Variants in PLCZ1 observed in about 807,000 individuals in gnomAD.
PLCZ1 encodes 1-phosphatidylinositol 4,5-bisphosphate phosphodiesterase zeta-1.
A neutral mutation model predicts 76.8 loss-of-function variants in PLCZ1; 64 were observed. That is an observed-to-expected ratio of 0.83 (90% CI 0.68 to 1.03). The LOEUF is 1.03. Ranked by LOEUF, PLCZ1 falls within the 50% of genes least tolerant of loss-of-function variation. The pLI is 0.00. For missense variants in PLCZ1, 751 were observed against 713.7 expected, an observed-to-expected ratio of 1.05 and a Z score of -0.60; for synonymous variants, 248 against 230.8, an observed-to-expected ratio of 1.07 and a Z score of -0.68.
the PLCZ1 span, among the ~76,000 whole-genome samples, chr12:18,673,509 A>G: frequency 6.6e-6 from 1 of 152,318 alleles, no homozygotes; most frequent in Non-Finnish European, 1.5e-5. Flanking sequence ...GAACAAGGCT[A>G]GAGAAGCCTT....
chr12:18,736,404 C>T (rs1592308885), intron 2 of PLCZ1, 60 bp from the exon 3 acceptor site: 3 of 1,535,234 alleles, frequency 2.0e-6, no homozygotes, highest in Non-Finnish European at 2.7e-6. Flanking sequence ...TTTAAAATTC[C>T]TAAAGAAACA....
At chr12:18,693,957 A>C (rs1565666094) in intron 12 of PLCZ1, 1 of 1,514,830 alleles carries the variant, frequency 6.6e-7, no homozygotes, top group African/African-American at 1.4e-5. Flanking sequence ...TCTGGTGCTG[A>C]CATCAAGGCA....
At chr12:18,694,882 A>C (rs1044050286) in intron 12 of PLCZ1, 28 bp downstream of exon 12, 23 of 1,528,058 alleles carry the variant, frequency 1.5e-5, no homozygotes, top group Non-Finnish European at 2.0e-5. Flanking sequence ...ATAACCAAAA[A>C]ATGTAAAAGA....
At chr12:18,691,821 C>T (rs759829089) in intron 12 of PLCZ1, among the ~76,000 whole-genome samples, 22 of 152,176 alleles carry the variant, frequency 1.4e-4, no homozygotes, top group Admixed American at 4.6e-4. Context: ...GAGTCACAAA[C>T]TCCTTAACAG....
intron 7 of PLCZ1, among the ~76,000 whole-genome samples, chr12:18,703,180 T>G (rs1464841544): frequency 6.6e-6 from 1 of 152,202 alleles, no homozygotes; most frequent in Non-Finnish European, 1.5e-5. Flanking sequence ...AATTCTTTAC[T>G]ATTTCTTTCC....
At chr12:18,732,586 G>A (rs558900095) in intron 3 of PLCZ1, among the ~76,000 whole-genome samples, 7 of 152,136 alleles carry the variant, frequency 4.6e-5, no homozygotes, top group Admixed American at 6.6e-5. Context: ...TATTTGTGCC[G>A]TATAACAGAA....
intron 6 of PLCZ1, among the ~76,000 whole-genome samples, chr12:18,709,500 A>G (rs983841881): frequency 6.7e-6 from 1 of 149,792 alleles, no homozygotes; most frequent in Non-Finnish European, 1.5e-5. Context: ...GGCTATTTGA[A>G]GTCTTTTATC....
chr12:18,647,967 G>A, the PLCZ1 span: 16 of 1,601,612 alleles, frequency 1.0e-5, no homozygotes, highest in South Asian at 2.2e-5. Context: ...ATTAACATCC[G>A]ACTCTGTAGT....
intron 9 of PLCZ1, 101 bp downstream of exon 9, chr12:18,701,397 TAAG>T (rs1955896423): frequency 6.4e-7 from 1 of 1,567,608 alleles, no homozygotes; most frequent in Non-Finnish European, 8.6e-7. Flanking sequence ...AGAGTTTTTA[TAAG>T]AAGGAAAATG....
chr12:18,703,428 C>T (rs538766555), intron 7 of PLCZ1, among the ~76,000 whole-genome samples: 1 of 152,254 alleles, frequency 6.6e-6, no homozygotes, highest in South Asian at 2.1e-4. Flanking sequence ...AAAGTTCAGC[C>T]CTGGAAACTT....
chr12:18,659,663 C>CTTTTTTTTTTTTTTT, the PLCZ1 span, among the ~76,000 whole-genome samples: 6 of 133,810 alleles, frequency 4.5e-5, no homozygotes, highest in Non-Finnish European at 7.9e-5. Context: ...GTTCTCCATT[C>CTTTTTTTTTTTTTTT]TTTTTTTTTT....
At chr12:18,693,668 A>C in intron 12 of PLCZ1, 1 of 1,566,984 alleles carries the variant, frequency 6.4e-7, no homozygotes, top group Non-Finnish European at 8.8e-7. Context: ...ATATGACTCC[A>C]ATTCTGGTGG....
chr12:18,677,498 G>A, the PLCZ1 span, among the ~76,000 whole-genome samples: 1 of 152,178 alleles, frequency 6.6e-6, no homozygotes, highest in South Asian at 2.1e-4. Context: ...TTCCAGTTCA[G>A]GAGGTCTAGG....
intron 3 of PLCZ1, among the ~76,000 whole-genome samples, chr12:18,724,337 A>T (rs1958623970): frequency 1.3e-5 from 2 of 152,144 alleles, no homozygotes; most frequent in African/African-American, 4.8e-5. Flanking sequence ...AATGAGAGAG[A>T]TAACTCAAGA....
At chr12:18,715,559 G>C (rs1372291155) in intron 5 of PLCZ1, 1 of 151,974 alleles carries the variant, frequency 6.6e-6, no homozygotes, top group South Asian at 2.1e-4. Flanking sequence ...CCACCACCAC[G>C]CCTGGCTAAT....
intron 12 of PLCZ1, among the ~76,000 whole-genome samples, chr12:18,692,284 C>G (rs1345056934): frequency 1.3e-5 from 2 of 152,024 alleles, no homozygotes; most frequent in Non-Finnish European, 2.9e-5. Flanking sequence ...ACCAATGAAA[C>G]CATAGCCACT....
At chr12:18,690,694 C>T (rs1565658649) in intron 12 of PLCZ1, among the ~76,000 whole-genome samples, 1 of 152,112 alleles carries the variant, frequency 6.6e-6, no homozygotes, top group Non-Finnish European at 1.5e-5. Flanking sequence ...TAGGAAAATG[C>T]TTTCAAAAAG....
At chr12:18,721,862 T>C (rs1235992008) in intron 4 of PLCZ1, among the ~76,000 whole-genome samples, 1 of 151,822 alleles carries the variant, frequency 6.6e-6, no homozygotes, top group Non-Finnish European at 1.5e-5. Context: ...CTCAACTCAA[T>C]GACACCACTA....
At position 18,701,488 on chromosome 12, in the gene PLCZ1, A is replaced by G. The variant is rs765624376; in HGVS notation, c.1017+13T>C. The G allele has an allele frequency of 6.2e-7, 1 of 1,614,062 alleles. No homozygotes were observed. The highest frequency in any genetic ancestry group is 2.2e-5 in the East Asian group (1 of 44,868). ...CCAATCACTTGTAAGATTTTCACAA[A>G]ACACCACCTCACCTTCTTTTTCTTG... On this transcript the variant is annotated intron_variant, in intron 9 of 14. Coordinates refer to ENST00000266505, the MANE Select transcript of PLCZ1 (RefSeq NM_033123.4).
Sources: gnomAD v4.1 joint callset for allele counts (sites outside exome capture counted in the v4.1 genomes callset) on GRCh38, gnomAD v4.1.1 for gene constraint, MANE v1.5 for transcripts, NCBI Gene and HGNC (gene_info 2026-07-23, HGNC 2026-07-21) for gene names.